Variants in RFC3 observed in about 807,000 individuals in gnomAD.
RFC3 encodes A1 38 kDa subunit.
A neutral mutation model predicts 45.1 loss-of-function variants in RFC3; 41 were observed. The observed-to-expected ratio is 0.91, with a 90% confidence interval of 0.71 to 1.18. RFC3 has a LOEUF of 1.18. Ranked by LOEUF, RFC3 falls within the 50% of genes most tolerant of loss-of-function variation. The pLI is 0.00. For missense variants in RFC3, 423 were observed against 428.1 expected (o/e 0.99, Z 0.10); for synonymous variants, 149 against 144.0 (o/e 1.03, Z -0.25).
chr13:33,859,800 A>G (rs113404997), intron 8 of RFC3, among the ~76,000 whole-genome samples: 205 of 152,248 alleles, frequency 1.3e-3, no homozygotes, highest in African/African-American at 4.6e-3. Flanking sequence ...TTTGTCCTCA[A>G]TGGTGGATAA....
At chr13:33,938,207 A>G (rs988195861) in intron 8 of RFC3, among the ~76,000 whole-genome samples, 2 of 148,536 alleles carry the variant, frequency 1.3e-5, no homozygotes, top group Non-Finnish European at 3.0e-5. Context: ...AAAAAAAAAA[A>G]AGTAAGAGTT....
At chr13:33,922,028 C>A (rs992479974) in intron 8 of RFC3, among the ~76,000 whole-genome samples, 1 of 151,982 alleles carries the variant, frequency 6.6e-6, no homozygotes, top group African/African-American at 2.4e-5. Context: ...GAACACCTGC[C>A]CAGAGGGCTG....
chr13:33,862,150 G>C (rs2082344695), intron 8 of RFC3, among the ~76,000 whole-genome samples: 3 of 151,944 alleles, frequency 2.0e-5, no homozygotes, highest in Admixed American at 6.6e-5. Flanking sequence ...CTTCCACTTA[G>C]CTAAGTCGCT....
At chr13:33,823,600 A>G (rs1258218635) in intron 2 of RFC3, among the ~76,000 whole-genome samples, 4 of 152,132 alleles carry the variant, frequency 2.6e-5, no homozygotes, top group African/African-American at 7.2e-5. Flanking sequence ...TTGTGTTAAC[A>G]TGGGAAAGAC....
intron 8 of RFC3, among the ~76,000 whole-genome samples, chr13:33,854,814 G>C (rs1407551466): frequency 1.3e-5 from 2 of 152,102 alleles, no homozygotes; most frequent in African/African-American, 4.8e-5. Flanking sequence ...TGCTATTTCA[G>C]GTGTCTATTT....
At position 33,825,785 on chromosome 13, in the gene RFC3, G is replaced by T. The variant is rs1593608839; in HGVS notation, c.294-4G>T. 1 of 1,581,732 alleles carries T rather than the reference G, an allele frequency of 6.3e-7. No homozygotes were observed. The highest frequency in any genetic ancestry group is 8.6e-7 in the Non-Finnish European group (1 of 1,160,076). On this transcript the variant is annotated splice_region_variant and splice_polypyrimidine_tract_variant and intron_variant, in intron 3 of 8. Coordinates refer to ENST00000380071, the MANE Select transcript of RFC3 (RefSeq NM_002915.4). Reference sequence around the variant, plus strand: ...CTATATACCATTATTTTTGTTTTGTGTAGTGATGCTGGAAATAGTGACCGA... The same window carrying T: ...CTATATACCATTATTTTTGTTTTGTTTAGTGATGCTGGAAATAGTGACCGA...
chr13:33,918,722 C>T (rs1431039660), intron 8 of RFC3, among the ~76,000 whole-genome samples: 3 of 152,058 alleles, frequency 2.0e-5, no homozygotes, highest in Non-Finnish European at 4.4e-5. Context: ...ACAGGAAGGC[C>T]GAGGCTGTCA....
chr13:33,902,439 C>G (rs959800038), intron 8 of RFC3, among the ~76,000 whole-genome samples: 4 of 151,962 alleles, frequency 2.6e-5, no homozygotes, highest in Admixed American at 2.6e-4. Flanking sequence ...GGATCATTGT[C>G]CATGTCACTT....
intron 8 of RFC3, among the ~76,000 whole-genome samples, chr13:33,929,665 G>C (rs9570607): frequency 0.26 from 39,650 of 151,794 alleles, 7,537 homozygotes; most frequent in African/African-American, 0.52. Context: ...TAAATGAACA[G>C]TGCTAACATT....
Position 33,836,554 on chromosome 13 carries a change from C to A in RFC3, c.*259C>A, listed in dbSNP as rs974494956. On this transcript the variant is annotated 3_prime_UTR_variant, in exon 9 of 9. Transcript: ENST00000380071. ...TAATTTACTTTAAGCATTGGTTATT[C>A]AAGTATTCATTGTTGATCCTCCTAT... is the stretch of plus-strand genomic sequence containing the variant. 3 of 1,161,636 alleles carry A rather than the reference C, an allele frequency of 2.6e-6. No individual in the cohort carries two copies. In the African/African-American group the frequency reaches 4.7e-5, roughly 18 times the overall value. 72.0% of individuals were successfully genotyped at this position (1,161,636 alleles called of 1,614,324 possible). A position where few individuals can be genotyped will look rare whatever the true frequency, so the allele number is the denominator to read the frequency against.
chr13:33,895,376 A>T (rs1350093813), intron 8 of RFC3, among the ~76,000 whole-genome samples: 2 of 152,182 alleles, frequency 1.3e-5, no homozygotes, highest in African/African-American at 2.4e-5. Flanking sequence ...TGGCCAAAAA[A>T]CATATAAAAA....
intron 8 of RFC3, among the ~76,000 whole-genome samples, chr13:33,891,162 T>G (rs768100579): frequency 2.6e-4 from 40 of 152,236 alleles, no homozygotes; most frequent in Admixed American, 1.3e-4. Context: ...TTTACAATCT[T>G]GCTTGCTAAG....
At chr13:33,887,167 G>C (rs1367134316) in intron 8 of RFC3, among the ~76,000 whole-genome samples, 3 of 145,918 alleles carry the variant, frequency 2.1e-5, no homozygotes, top group Non-Finnish European at 4.5e-5. Context: ...GGATGGCTGG[G>C]TCAAATGGTA....
At chr13:33,960,716 C>T (rs868828236) in intron 8 of RFC3, among the ~76,000 whole-genome samples, 3 of 152,154 alleles carry the variant, frequency 2.0e-5, no homozygotes, top group Admixed American at 2.0e-4. Flanking sequence ...TCTCCCACTG[C>T]CTCAATTCAC....
Position 33,929,025 on chromosome 13 carries a change from A to AT in RFC3, c.880-37055dup, listed in dbSNP as rs371277056. The stretch of plus-strand genomic sequence containing the variant: ...TTGCCCATTCTAAAATGGACAAATA[A>AT]TTTTTTTCTTTTTTTTCCAGATTTT... On this transcript the variant is annotated intron_variant, in intron 8 of 8. Coordinates refer to the RFC3 transcript ENST00000434425. Among the ~76,000 whole-genome samples the AT allele has an allele frequency of 1.6e-3, 246 of 152,212 alleles. 1 individual carries two copies. Among genetic ancestry groups the AT allele is most frequent in the African/African-American group, 5.6e-3 (233 of 41,548 alleles).
chr13:33,862,254 A>AG (rs2082345345), intron 8 of RFC3, among the ~76,000 whole-genome samples: 1 of 65,550 alleles, frequency 1.5e-5, no homozygotes, highest in African/African-American at 4.9e-5. Flanking sequence ...ATCTCAGCAA[A>AG]GTTTTTTTTT....
chr13:33,848,673 G>A (rs2082255906), intron 8 of RFC3: 1 of 151,894 alleles, frequency 6.6e-6, no homozygotes, highest in Admixed American at 6.6e-5. Flanking sequence ...ATCTCTCCCT[G>A]TATTTGTCAT....
intron 8 of RFC3, among the ~76,000 whole-genome samples, chr13:33,947,398 A>G (rs376117292): frequency 6.6e-6 from 1 of 152,324 alleles, no homozygotes; most frequent in South Asian, 2.1e-4. Context: ...CTATAAGTCA[A>G]TTAAACCCCT....
intron 8 of RFC3, among the ~76,000 whole-genome samples, chr13:33,855,032 C>T (rs1449404430): frequency 2.0e-5 from 3 of 152,002 alleles, no homozygotes; most frequent in East Asian, 3.9e-4. Flanking sequence ...TCAAAACAAT[C>T]GACTAGCGAC....
Sources: gnomAD v4.1 joint callset for allele counts (sites outside exome capture counted in the v4.1 genomes callset) on GRCh38, gnomAD v4.1.1 for gene constraint, MANE v1.5 for transcripts, NCBI Gene and HGNC (gene_info 2026-07-23, HGNC 2026-07-21) for gene names.